The following SPATA31D4 variants were observed in gnomAD, a reference collection of about 807,000 sequenced individuals.
SPATA31D4 encodes the protein SPATA31 subfamily D member 4.
For synonymous variants in SPATA31D4, 23 were observed against 102.8 expected, an observed-to-expected ratio of 0.22 and a Z score of 4.70; for missense variants, 73 against 279.1, an observed-to-expected ratio of 0.26 and a Z score of 5.26.
intron 2 of SPATA31D4, 102 bp from the exon 3 acceptor site, chr9:81,929,998 G>T: frequency 7.2e-6 from 1 of 139,770 alleles, no homozygotes. Context: ...GATTCTTGGG[G>T]CTATCAGAGT....
Position 81,934,107 on chromosome 9 carries a change from G to A in SPATA31D4, c.*1192G>A. 2.4e-6 allele frequency: 1 copy of A among 419,626 alleles called. No homozygotes were observed. The highest frequency in any genetic ancestry group is 4.5e-6 in the Non-Finnish European group (1 of 223,802). The allele number at this position is 419,626 out of a possible 1,614,324, so 26.0% of individuals were successfully genotyped here. On this transcript the variant is annotated 3_prime_UTR_variant, in exon 4 of 4. Coordinates refer to ENST00000419782, the MANE Select transcript of SPATA31D4 (RefSeq NM_001145197.1). ...GCTACAAAGAGAGTGAGCCCTTTAA[G>A]ACCCAATGGAGGAGAGCTTGGTGGA...
In SPATA31D4 at chr9:81,932,809, T is replaced by C; in HGVS notation, c.2648T>C (p.Val883Ala). The C allele has an allele frequency of 6.5e-7, 1 of 1,533,792 alleles. No individual in the cohort carries two copies. The highest frequency in any genetic ancestry group is 2.3e-5 in the East Asian group (1 of 44,096). Residue 883 changes from valine (V) to alanine (A), a missense_variant, in exon 4 of 4, where the codon GTT becomes GCT. Coordinates refer to ENST00000419782, the MANE Select transcript of SPATA31D4 (RefSeq NM_001145197.1). ...LAALVSEDHG[V>A]DTSQEMSFLS... ...GCATTGGTGAGTGAGGACCACGGCG[T>C]TGATACCTCCCAGGAGATGTCCTTC...
chr9:81,932,276 GTC>G lies in SPATA31D4; in HGVS notation c.2119_2120del (p.Leu707ValfsTer28), dbSNP rs1823764819. 3.9e-6 allele frequency: 3 copies of G among 774,942 alleles called. No individual in the cohort carries two copies. The highest frequency in any genetic ancestry group is 3.3e-5 in the Admixed American group (1 of 30,146). 48.0% of individuals were successfully genotyped at this position (774,942 alleles called of 1,614,324 possible). Reference protein sequence around the residue: ...RWGLPRRIHESLSLLRPQNKI... With the variant: ...RWGLPRRIHEXLSLLRPQNKI... ...GGGGCCTGCCCCGCAGAATCCATGA[GTC>G]TCTGTCATTGCTACGTCCTCAGAAC... On this transcript the variant is annotated frameshift_variant, in exon 4 of 4. Coordinates refer to ENST00000419782, the MANE Select transcript of SPATA31D4 (RefSeq NM_001145197.1). LOFTEE classifies it low-confidence loss of function (END_TRUNC).
rs1823833331 is a variant in SPATA31D4, at chr9:81,934,486, A to G, written c.*1571A>G. On this transcript the variant is annotated 3_prime_UTR_variant, in exon 4 of 4. Coordinates refer to ENST00000419782, the MANE Select transcript of SPATA31D4 (RefSeq NM_001145197.1). The stretch of plus-strand genomic sequence containing the variant: ...AAAAGCTGGGGCATAGCCATGGGAT[A>G]GATATCACCTGTCCCTAAGAACCCT... 4.3e-6 allele frequency: 2 copies of G among 462,708 alleles called. No individual in the cohort carries two copies. The highest frequency in any genetic ancestry group is 4.5e-5 in the South Asian group (2 of 44,730). 28.7% of individuals were successfully genotyped at this position (462,708 alleles called of 1,614,324 possible). A position where few individuals can be genotyped will look rare whatever the true frequency, so the allele number is the denominator to read the frequency against.
chr9:81,930,110 T>C lies in SPATA31D4; in HGVS notation c.243T>C (p.Ser81=). 1 of 276,638 alleles carries C rather than the reference T, an allele frequency of 3.6e-6. No individual in the cohort carries two copies. Among genetic ancestry groups the C allele is most frequent in the Non-Finnish European group, 5.1e-6 (1 of 196,512 alleles). 17.1% of individuals were successfully genotyped at this position (276,638 alleles called of 1,614,324 possible). A position where few individuals can be genotyped will look rare whatever the true frequency, so the allele number is the denominator to read the frequency against. Residue 81 remains serine, a synonymous_variant, in exon 3 of 4, where the codon AGT becomes AGC. Coordinates refer to ENST00000419782, the MANE Select transcript of SPATA31D4 (RefSeq NM_001145197.1). ...TGTTCTGGTTTCCAGACCGGAAAAGTTTGCAGAAGGAAGCAGAAGAGGAAA... is the reference window on the plus strand; with the variant it reads ...TGTTCTGGTTTCCAGACCGGAAAAGCTTGCAGAAGGAAGCAGAAGAGGAAA... ...RKSVTFKDRK[S]LQKEAEEERK... is the part of the protein sequence containing the mutation.
At position 81,932,702 on chromosome 9, in the gene SPATA31D4, G is replaced by A. The variant is rs1192026468; in HGVS notation, c.2541G>A (p.Val847=). 1.4e-5 allele frequency: 22 copies of A among 1,520,274 alleles called. 3 individuals carry two copies. Among genetic ancestry groups the A allele is most frequent in the Non-Finnish European group, 2.0e-5 (22 of 1,111,252 alleles). 94.2% of individuals were successfully genotyped at this position (1,520,274 alleles called of 1,614,324 possible). ...ATGAGGGTCGAATGCCTGGGACTGT[G>A]CATAGTTCATGGCACTCAGTCAAGC... ...EINEGRMPGT[V]HSSWHSVKQT... The change falls in exon 4 of 4, where the codon GTG becomes GTA. Residue 847 remains valine, a synonymous_variant. Transcript: ENST00000419782.
In SPATA31D4 at chr9:81,932,544, A is replaced by T. The variant is rs1185760343; in HGVS notation, c.2383A>T (p.Arg795Trp). 6.7e-7 allele frequency: 1 copy of T among 1,490,226 alleles called. No homozygotes were observed. Among genetic ancestry groups the T allele is most frequent in the Admixed American group, 1.9e-5 (1 of 53,154 alleles). The allele number at this position is 1,490,226 out of a possible 1,614,324, so 92.3% of individuals were successfully genotyped here. A position where few individuals can be genotyped will look rare whatever the true frequency, so the allele number is the denominator to read the frequency against. ...GGAGACATCTTCAGACGAGGATCTG[A>T]GGTCTAACTCTGAGAGAGACCTAGG... ...DPETSSDEDL[R>W]SNSERDLGTH... Residue 795 changes from arginine to tryptophan, a missense_variant, in exon 4 of 4, where the codon AGG becomes TGG. Transcript: ENST00000419782.
chr9:81,932,605 G>T lies in SPATA31D4; in HGVS notation c.2444G>T (p.Gly815Val). The change falls in exon 4 of 4, where the codon GGG (glycine) becomes GTG (valine). Residue 815 changes from glycine (G) to valine (V), a missense_variant. Transcript: ENST00000419782. ...HMMHLSGNDS[G>V]VRLGQKQLEN... ...ATGCATCTGTCAGGGAATGATTCAG[G>T]GGTGAGACTAGGTCAGAAACAACTT... 6.6e-7 allele frequency: 1 copy of T among 1,506,502 alleles called. No homozygotes were observed. Among genetic ancestry groups the T allele is most frequent in the Non-Finnish European group, 9.1e-7 (1 of 1,099,056 alleles). 93.3% of individuals were successfully genotyped at this position (1,506,502 alleles called of 1,614,324 possible).
At position 81,932,002 on chromosome 9, in the gene SPATA31D4, TG is replaced by T. The variant is rs1182833000; in HGVS notation, c.1842del (p.Met614IlefsTer67). 12 of 171,760 alleles carry T rather than the reference TG, an allele frequency of 7.0e-5. No homozygotes were observed. The highest frequency in any genetic ancestry group is 4.8e-4 in the South Asian group (12 of 24,904). 10.6% of individuals were successfully genotyped at this position (171,760 alleles called of 1,614,324 possible). ...HRPQNEARSL[M>X]PSEINHLEWN... ...CCCCAGAATGAGGCACGGTCTCTTA[TG>T]CCATCTGAAATTAATCATCTGGAGT... On this transcript the variant is annotated frameshift_variant, in exon 4 of 4. Coordinates refer to ENST00000419782, the MANE Select transcript of SPATA31D4 (RefSeq NM_001145197.1). LOFTEE classifies it low-confidence loss of function (END_TRUNC).
chr9:81,932,710 C>A lies in SPATA31D4; in HGVS notation c.2549C>A (p.Ser850Ter). 1 of 1,519,108 alleles carries A rather than the reference C, an allele frequency of 6.6e-7. No individual in the cohort carries two copies. The highest frequency in any genetic ancestry group is 2.3e-5 in the East Asian group (1 of 43,480). 94.1% of individuals were successfully genotyped at this position (1,519,108 alleles called of 1,614,324 possible). The change falls in exon 4 of 4, where the codon TCA (serine) becomes TAA (stop). Residue 850 changes from serine to a stop codon, truncating the protein, a stop_gained. Transcript: ENST00000419782. LOFTEE classifies it low-confidence loss of function (END_TRUNC). ...CGAATGCCTGGGACTGTGCATAGTT[C>A]ATGGCACTCAGTCAAGCAGACAATA... ...EGRMPGTVHS[S>*]WHSVKQTICL...
In SPATA31D4 at chr9:81,933,159, G is replaced by A. The variant is rs1322014057; in HGVS notation, c.*244G>A. 11 of 679,326 alleles carry A rather than the reference G, an allele frequency of 1.6e-5. No homozygotes were observed. In the South Asian group the frequency reaches 1.9e-4, roughly 11 times the overall value. 42.1% of individuals were successfully genotyped at this position (679,326 alleles called of 1,614,324 possible). A position where few individuals can be genotyped will look rare whatever the true frequency, so the allele number is the denominator to read the frequency against. Reference sequence around the variant, plus strand: ...CCTCAGCCTGTCTCCTCACCTATTGGCAAAGAAGGGCAGGGGACCCTGAGA... The same window carrying A: ...CCTCAGCCTGTCTCCTCACCTATTGACAAAGAAGGGCAGGGGACCCTGAGA... On this transcript the variant is annotated 3_prime_UTR_variant, in exon 4 of 4. Transcript: ENST00000419782.
rs1564151097 is a variant in SPATA31D4, at chr9:81,932,697, A to T, written c.2536A>T (p.Thr846Ser). The change falls in exon 4 of 4, where the codon ACT becomes TCT. Residue 846 changes from threonine to serine, a missense_variant. By Grantham distance (58) the Thr-to-Ser change is moderately conservative. Coordinates refer to ENST00000419782, the MANE Select transcript of SPATA31D4 (RefSeq NM_001145197.1). Reference sequence around the variant, plus strand: ...AATCAATGAGGGTCGAATGCCTGGGACTGTGCATAGTTCATGGCACTCAGT... The same window carrying T: ...AATCAATGAGGGTCGAATGCCTGGGTCTGTGCATAGTTCATGGCACTCAGT... ...EEINEGRMPG[T>S]VHSSWHSVKQ... is the part of the protein sequence containing the mutation. 2.0e-6 allele frequency: 3 copies of T among 1,519,928 alleles called. 1 individual carries two copies. Among genetic ancestry groups the T allele is most frequent in the Non-Finnish European group, 2.7e-6 (3 of 1,110,808 alleles). The allele number at this position is 1,519,928 out of a possible 1,614,324, so 94.2% of individuals were successfully genotyped here.
In SPATA31D4 at chr9:81,932,634, AATGCCCTG is replaced by A; in HGVS notation, c.2475_2482del (p.Ala826SerfsTer8). 1 of 1,519,274 alleles carries A rather than the reference AATGCCCTG, an allele frequency of 6.6e-7. No homozygotes were observed. Among genetic ancestry groups the A allele is most frequent in the Non-Finnish European group, 9.0e-7 (1 of 1,110,512 alleles). The allele number at this position is 1,519,274 out of a possible 1,614,324, so 94.1% of individuals were successfully genotyped here. On this transcript the variant is annotated frameshift_variant, in exon 4 of 4. Coordinates refer to ENST00000419782, the MANE Select transcript of SPATA31D4 (RefSeq NM_001145197.1). LOFTEE classifies it low-confidence loss of function (END_TRUNC). Reference sequence around the variant, plus strand: ...GAGACTAGGTCAGAAACAACTTGAAAATGCCCTGACAGTACATTTGAGCAAGAAATTTG... The same window carrying A: ...GAGACTAGGTCAGAAACAACTTGAAAACAGTACATTTGAGCAAGAAATTTG...
In SPATA31D4 at chr9:81,932,705, T is replaced by A; in HGVS notation, c.2544T>A (p.His848Gln). 4 of 1,518,834 alleles carry A rather than the reference T, an allele frequency of 2.6e-6. No individual in the cohort carries two copies. The South Asian group carries it at 3.4e-5, about 13-fold the overall frequency. The allele number at this position is 1,518,834 out of a possible 1,614,324, so 94.1% of individuals were successfully genotyped here. ...AGGGTCGAATGCCTGGGACTGTGCATAGTTCATGGCACTCAGTCAAGCAGA... is the reference window on the plus strand; with the variant it reads ...AGGGTCGAATGCCTGGGACTGTGCAAAGTTCATGGCACTCAGTCAAGCAGA... ...INEGRMPGTV[H>Q]SSWHSVKQTI... The change falls in exon 4 of 4, where the codon CAT becomes CAA. Residue 848 changes from histidine to glutamine, a missense_variant. By Grantham distance (24) the His-to-Gln change is conservative. Transcript: ENST00000419782.
In SPATA31D4 at chr9:81,932,986, C is replaced by T. The variant is rs1359475409; in HGVS notation, c.*71C>T. 1.1e-5 allele frequency: 16 copies of T among 1,492,444 alleles called. 1 individual carries two copies. Among genetic ancestry groups the T allele is most frequent in the Non-Finnish European group, 1.4e-5 (15 of 1,093,440 alleles). 92.5% of individuals were successfully genotyped at this position (1,492,444 alleles called of 1,614,324 possible). A position where few individuals can be genotyped will look rare whatever the true frequency, so the allele number is the denominator to read the frequency against. The stretch of plus-strand genomic sequence containing the variant: ...TCTTCAAATCAGAAGAGGATATTTC[C>T]AATTCCTTTTCCCATTTCTACCTTC... On this transcript the variant is annotated 3_prime_UTR_variant, in exon 4 of 4. Coordinates refer to ENST00000419782, the MANE Select transcript of SPATA31D4 (RefSeq NM_001145197.1).
rs1823840184 is a variant in SPATA31D4 at position 81,934,696 on chromosome 9, A to C, written c.*1781A>C. The C allele has an allele frequency of 2.9e-5, 17 of 594,478 alleles. No individual in the cohort carries two copies. In the South Asian group the frequency reaches 2.9e-4, roughly 10 times the overall value. 36.8% of individuals were successfully genotyped at this position (594,478 alleles called of 1,614,324 possible). A position where few individuals can be genotyped will look rare whatever the true frequency, so the allele number is the denominator to read the frequency against. ...ATCCTACAAGGATTAGACAGATCAT[A>C]GACAAGGACAGACAGCCCCAGGAAG... On this transcript the variant is annotated 3_prime_UTR_variant, in exon 4 of 4. Coordinates refer to ENST00000419782, the MANE Select transcript of SPATA31D4 (RefSeq NM_001145197.1).
chr9:81,933,226 T>C lies in SPATA31D4; in HGVS notation c.*311T>C. 3 of 483,792 alleles carry C rather than the reference T, an allele frequency of 6.2e-6. No homozygotes were observed. Among genetic ancestry groups the C allele is most frequent in the Non-Finnish European group, 1.1e-5 (3 of 273,098 alleles). The allele number at this position is 483,792 out of a possible 1,614,324, so 30.0% of individuals were successfully genotyped here. On this transcript the variant is annotated 3_prime_UTR_variant, in exon 4 of 4. Transcript: ENST00000419782. ...CTGACCATGACCTTATAGAGACAGA[T>C]GCCAAAGATGGTGCCTCCACGCCCC...
In SPATA31D4 at chr9:81,934,100, C is replaced by G; in HGVS notation, c.*1185C>G. On this transcript the variant is annotated 3_prime_UTR_variant, in exon 4 of 4. Coordinates refer to ENST00000419782, the MANE Select transcript of SPATA31D4 (RefSeq NM_001145197.1). ...TTCACCAGCTACAAAGAGAGTGAGC[C>G]CTTTAAGACCCAATGGAGGAGAGCT... The G allele has an allele frequency of 2.5e-6, 1 of 402,452 alleles. No homozygotes were observed. The highest frequency in any genetic ancestry group is 4.6e-6 in the Non-Finnish European group (1 of 215,494). 24.9% of individuals were successfully genotyped at this position (402,452 alleles called of 1,614,324 possible). A position where few individuals can be genotyped will look rare whatever the true frequency, so the allele number is the denominator to read the frequency against.
At position 81,934,124 on chromosome 9, in the gene SPATA31D4, C is replaced by G. The variant is rs566919872; in HGVS notation, c.*1209C>G. On this transcript the variant is annotated 3_prime_UTR_variant, in exon 4 of 4. Coordinates refer to ENST00000419782, the MANE Select transcript of SPATA31D4 (RefSeq NM_001145197.1). ...CCCTTTAAGACCCAATGGAGGAGAGCTTGGTGGAGGGGATGCAGGGTTGGG... is the reference window on the plus strand; with the variant it reads ...CCCTTTAAGACCCAATGGAGGAGAGGTTGGTGGAGGGGATGCAGGGTTGGG... 3.0e-4 allele frequency: 126 copies of G among 420,672 alleles called. 8 individuals are homozygous for G. Among genetic ancestry groups the G allele is most frequent in the Non-Finnish European group, 5.1e-4 (113 of 221,788 alleles). 26.1% of individuals were successfully genotyped at this position (420,672 alleles called of 1,614,324 possible).
Sources: allele counts gnomAD v4.1 joint callset, GRCh38; gene constraint gnomAD v4.1.1; transcripts MANE v1.5; gene names NCBI Gene and HGNC (gene_info 2026-07-23, HGNC 2026-07-21).